Variants in DIAPH2 observed in about 807,000 individuals in gnomAD.
DIAPH2 encodes protein diaphanous homolog 2.
A neutral mutation model predicts 92.7 loss-of-function variants in DIAPH2; 35 were observed. The observed-to-expected ratio is 0.38, with a 90% CI of 0.29 to 0.50. DIAPH2 has a LOEUF of 0.50. Among genes scored for constraint, DIAPH2 ranks in the 20% least tolerant of loss-of-function variants. The pLI, the probability that DIAPH2 is intolerant of heterozygous loss-of-function variation, is 0.94. For missense variants in DIAPH2, 701 were observed against 819.5 expected (o/e 0.86, Z 1.77); for synonymous variants, 301 against 280.4 (o/e 1.07, Z -0.73).
intron 1 of DIAPH2, among the ~76,000 whole-genome samples, chrX:96,728,278 C>A (rs1312523106): frequency 9.2e-6 from 1 of 108,547 alleles, no homozygotes; most frequent in East Asian, 3.0e-4. Context: ...GGCATGATCT[C>A]GGTTCACTGC....
At chrX:96,714,499 G>A in intron 1 of DIAPH2, among the ~76,000 whole-genome samples, 1 of 110,273 alleles carries the variant, frequency 9.1e-6, no homozygotes. Flanking sequence ...CCTGACCTCG[G>A]GTCATCCATC....
At chrX:97,412,924 C>G (rs755258994) in intron 25 of DIAPH2, among the ~76,000 whole-genome samples, 4 of 111,662 alleles carry the variant, frequency 3.6e-5, no homozygotes, top group Non-Finnish European at 5.6e-5. Flanking sequence ...AGCCTACCAA[C>G]AAAGAAAAAG....
chrX:97,254,816 C>T (rs2068223025), intron 23 of DIAPH2, among the ~76,000 whole-genome samples: 1 of 109,710 alleles, frequency 9.1e-6, no homozygotes, highest in Non-Finnish European at 1.9e-5. Context: ...TCTCCTGCCT[C>T]AGCTGCCCAA....
chrX:97,353,547 G>T (rs1173848902), intron 24 of DIAPH2, among the ~76,000 whole-genome samples: 1 of 110,897 alleles, frequency 9.0e-6, no homozygotes, highest in Non-Finnish European at 1.9e-5. Context: ...TGTTGTGTGT[G>T]TGTCCTCATT....
At chrX:97,118,887 T>G (rs1422880856) in intron 21 of DIAPH2, among the ~76,000 whole-genome samples, 2 of 112,550 alleles carry the variant, frequency 1.8e-5, no homozygotes, top group Non-Finnish European at 3.8e-5. Flanking sequence ...TTTTCCTGAC[T>G]AAGTCACTTA....
At chrX:96,889,902 G>A (rs2065295745) in intron 5 of DIAPH2, among the ~76,000 whole-genome samples, 1 of 112,153 alleles carries the variant, frequency 8.9e-6, no homozygotes, top group South Asian at 3.7e-4. Context: ...ATGTCAAGGA[G>A]GCTAGCATGC....
chrX:97,095,255 T>G (rs1193449112), intron 19 of DIAPH2, among the ~76,000 whole-genome samples: 1 of 104,729 alleles, frequency 9.5e-6, no homozygotes, highest in African/African-American at 3.5e-5. Context: ...TAGCTGGGAC[T>G]ACAGGTGCCC....
chrX:97,439,711 C>T (rs922099011), intron 26 of DIAPH2, among the ~76,000 whole-genome samples: 5 of 99,001 alleles, frequency 5.1e-5, no homozygotes, highest in African/African-American at 1.9e-4. Context: ...CGTGCCACTG[C>T]ACTCCAGCCC....
intron 26 of DIAPH2, among the ~76,000 whole-genome samples, chrX:97,430,783 A>C (rs2070118500): frequency 8.9e-6 from 1 of 112,151 alleles, no homozygotes; most frequent in Non-Finnish European, 1.9e-5. Flanking sequence ...TGTCCAGGAA[A>C]GCTTTTGGCA....
At chrX:96,775,353 T>TTG (rs60441028) in intron 4 of DIAPH2, among the ~76,000 whole-genome samples, 2,126 of 89,368 alleles carry the variant, frequency 0.024, 40 homozygotes, top group African/African-American at 0.069. Flanking sequence ...CAACGTGTGC[T>TTG]TGTGTGTGTG....
intron 24 of DIAPH2, among the ~76,000 whole-genome samples, chrX:97,360,385 G>A (rs890211473): frequency 2.6e-4 from 28 of 109,795 alleles, no homozygotes; most frequent in African/African-American, 8.7e-4. Context: ...AGGCCAAGGC[G>A]GGTGAATCAT....
intron 1 of DIAPH2, among the ~76,000 whole-genome samples, chrX:96,700,412 T>C (rs2063848705): frequency 8.9e-6 from 1 of 112,366 alleles, no homozygotes; most frequent in African/African-American, 3.2e-5. Context: ...TTCTCACTGT[T>C]ATCTGTTCTT....
At chrX:97,587,543 A>G (rs1300594642) in intron 26 of DIAPH2, among the ~76,000 whole-genome samples, 1 of 112,291 alleles carries the variant, frequency 8.9e-6, no homozygotes, top group South Asian at 3.7e-4. Flanking sequence ...GACTTGTGAA[A>G]TAGAGTTAGA....
At chrX:97,583,589 G>A (rs2071457103) in intron 26 of DIAPH2, among the ~76,000 whole-genome samples, 2 of 112,116 alleles carry the variant, frequency 1.8e-5, no homozygotes, top group Admixed American at 1.9e-4. Context: ...CTGTCAGACT[G>A]GGATATTTAA....
intron 1 of DIAPH2, among the ~76,000 whole-genome samples, chrX:96,729,332 A>G (rs774063536): frequency 6.2e-5 from 7 of 112,410 alleles, no homozygotes; most frequent in African/African-American, 2.3e-4. Flanking sequence ...CTACTACTCT[A>G]AAAGCTGGAT....
At chrX:97,437,852 TA>T (rs1453027875) in intron 26 of DIAPH2, among the ~76,000 whole-genome samples, 1 of 110,238 alleles carries the variant, frequency 9.1e-6, no homozygotes, top group Non-Finnish European at 1.9e-5. Flanking sequence ...TATATATGTT[TA>T]TTGAAACCTT....
At chrX:97,132,633 G>T (rs762185244) in intron 21 of DIAPH2, among the ~76,000 whole-genome samples, 52 of 111,559 alleles carry the variant, frequency 4.7e-4, no homozygotes, top group Non-Finnish European at 2.6e-4. Context: ...TAGCTGTTTT[G>T]ATATGTGCAC....
intron 3 of DIAPH2, among the ~76,000 whole-genome samples, chrX:96,755,833 A>G (rs1350702081): frequency 9.1e-6 from 1 of 109,763 alleles, no homozygotes; most frequent in African/African-American, 3.3e-5. Flanking sequence ...CCCTTTTACA[A>G]TGTGCTCTTT....
chrX:97,264,268 CTT>C (rs1235446551), intron 23 of DIAPH2, among the ~76,000 whole-genome samples: 1 of 111,404 alleles, frequency 9.0e-6, no homozygotes, highest in Non-Finnish European at 1.9e-5. Context: ...CCTTCTGAAA[CTT>C]TATTTCATTT....
Sources: allele counts gnomAD v4.1 joint callset (sites outside exome capture counted in the v4.1 genomes callset), GRCh38; gene constraint gnomAD v4.1.1; transcripts MANE v1.5; gene names NCBI Gene and HGNC (gene_info 2026-07-23, HGNC 2026-07-21).